Variants in ISX observed in about 807,000 individuals in gnomAD.
The protein encoded by ISX is intestine-specific homeobox.
A neutral mutation model predicts 16.9 loss-of-function variants in ISX; 15 were observed. The ratio of observed to expected loss-of-function variants is 0.89; its 90% CI spans 0.59 to 1.36. The LOEUF (loss-of-function observed/expected upper bound fraction) is 1.36, where lower values mean the gene tolerates loss of function less well. ISX is among the 40% of genes most tolerant of loss of function. The pLI, the probability that ISX is intolerant of heterozygous loss-of-function variation, is 0.00. For missense variants in ISX, 316 were observed against 306.1 expected (o/e 1.03, Z -0.24); for synonymous variants, 125 against 119.7 (o/e 1.04, Z -0.29).
intron 2 of ISX, among the ~76,000 whole-genome samples, chr22:35,080,637 A>C (rs5755569): frequency 0.61 from 92,736 of 151,766 alleles, 28,860 homozygotes; most frequent in Admixed American, 0.67. Flanking sequence ...CATCCTACTA[A>C]TCACATCCAC....
chr22:35,077,839 A>G (rs1239498881), intron 2 of ISX, among the ~76,000 whole-genome samples: 1 of 152,170 alleles, frequency 6.6e-6, no homozygotes, highest in Non-Finnish European at 1.5e-5. Context: ...ACTCTTGGGA[A>G]CAGGAAAAAG....
chr22:35,073,066 T>C (rs777788596), intron 2 of ISX, among the ~76,000 whole-genome samples: 10 of 152,206 alleles, frequency 6.6e-5, no homozygotes, highest in Non-Finnish European at 1.0e-4. Context: ...AAATGACAGA[T>C]AGCCTTTCTC....
At chr22:35,081,584 G>T (rs5755570) in intron 2 of ISX, among the ~76,000 whole-genome samples, 1 of 152,122 alleles carries the variant, frequency 6.6e-6, no homozygotes, top group Non-Finnish European at 1.5e-5. Context: ...CTGCTACCCA[G>T]CAACTACTGC....
intron 2 of ISX, among the ~76,000 whole-genome samples, chr22:35,068,169 A>G (rs1340325570): frequency 6.6e-6 from 1 of 152,212 alleles, no homozygotes; most frequent in Non-Finnish European, 1.5e-5. Context: ...GCGATGTCTC[A>G]AGGGCCTTGT....
At position 35,082,533 on chromosome 22, in the gene ISX, A is replaced by C. The variant is rs1425078462; in HGVS notation, c.245A>C (p.Lys82Thr). The C allele has an allele frequency of 5.6e-6, 9 of 1,613,968 alleles. No homozygotes were observed. Among genetic ancestry groups the C allele is most frequent in the Non-Finnish European group, 6.8e-6 (8 of 1,179,962 alleles). ...KDQPQEGRKS[K>T]RRVRTTFTTE... Reference sequence around the variant, plus strand: ...TCCCATGCAGAAGGAAGGAAGAGCAAGCGGAGGGTTCGTACCACCTTCACC... The same window carrying C: ...TCCCATGCAGAAGGAAGGAAGAGCACGCGGAGGGTTCGTACCACCTTCACC... Residue 82 changes from lysine (K) to threonine (T), a missense_variant, in exon 3 of 5, where the codon AAG (lysine) becomes ACG (threonine). By Grantham distance (78) the Lys-to-Thr change is moderately conservative. Transcript: ENST00000404699.
intron 2 of ISX, among the ~76,000 whole-genome samples, chr22:35,068,199 C>G (rs1253297695): frequency 6.6e-6 from 1 of 152,222 alleles, no homozygotes; most frequent in Non-Finnish European, 1.5e-5. Context: ...TGTCACTGAG[C>G]CTGGAATATC....
intron 4 of ISX, 131 bp from the exon 5 acceptor site, chr22:35,085,323 G>A (rs1929224632): frequency 1.2e-5 from 13 of 1,109,646 alleles, no homozygotes; most frequent in Non-Finnish European, 1.5e-5. Flanking sequence ...AAACCCAGAA[G>A]GTCCTGAGCA....
intron 2 of ISX, among the ~76,000 whole-genome samples, chr22:35,079,946 A>G (rs1273528585): frequency 6.6e-6 from 1 of 152,214 alleles, no homozygotes; most frequent in Non-Finnish European, 1.5e-5. Flanking sequence ...ACCAGGAGCT[A>G]CAGGCAATGC....
rs897203963 is a variant in ISX, at chr22:35,069,069, C to T, written c.229+1753C>T. On this transcript the variant is annotated intron_variant, in intron 2 of 4. Coordinates refer to ENST00000404699, the MANE Select transcript of ISX (RefSeq NM_001303508.2). ...TCCCACTGGCGGCTCTCAAGATGAC[C>T]TTGGTGGGTATGTAGATAAAGATGA... Among the ~76,000 whole-genome samples, 6 of 152,236 alleles carry T rather than the reference C, an allele frequency of 3.9e-5. 1 individual carries two copies. In the South Asian group the frequency reaches 6.2e-4, roughly 16 times the overall value.
rs1443263060 is a variant in ISX at position 35,087,358 on chromosome 22, C to T, written c.*1665C>T. On this transcript the variant is annotated 3_prime_UTR_variant, in exon 5 of 5. Coordinates refer to ENST00000404699, the MANE Select transcript of ISX (RefSeq NM_001303508.2). ...TTTTAGGACCCTACACTCAAATGTG[C>T]AAAATAAAATTTCTATCATTTTGCT... 1.3e-5 allele frequency: 2 copies of T among 152,200 alleles called. No individual in the cohort carries two copies. Among genetic ancestry groups the T allele is most frequent in the Admixed American group, 6.5e-5 (1 of 15,284 alleles). 9.4% of individuals were successfully genotyped at this position (152,200 alleles called of 1,614,324 possible).
At chr22:35,067,579 GC>G (rs1928736805) in intron 2 of ISX, among the ~76,000 whole-genome samples, 1 of 152,204 alleles carries the variant, frequency 6.6e-6, no homozygotes, top group African/African-American at 2.4e-5. Flanking sequence ...GGCTAAGAAT[GC>G]TAGTTACCAT....
intron 2 of ISX, among the ~76,000 whole-genome samples, chr22:35,075,694 A>T (rs1928962845): frequency 1.3e-5 from 2 of 152,190 alleles, no homozygotes; most frequent in South Asian, 4.1e-4. Context: ...GCTAAAATTC[A>T]TACATACAAA....
At chr22:35,083,559 A>C (rs1929173419) in intron 3 of ISX, among the ~76,000 whole-genome samples, 1 of 152,220 alleles carries the variant, frequency 6.6e-6, no homozygotes, top group African/African-American at 2.4e-5. Flanking sequence ...ACGACGTTCC[A>C]CCAGATCTCA....
At chr22:35,069,927 A>T (rs1006661679) in intron 2 of ISX, among the ~76,000 whole-genome samples, 1 of 152,200 alleles carries the variant, frequency 6.6e-6, no homozygotes, top group Admixed American at 6.5e-5. Context: ...GCAGCCTGTC[A>T]GGCCCAGCAA....
intron 2 of ISX, among the ~76,000 whole-genome samples, 154 bp from the exon 3 acceptor site, chr22:35,082,364 G>C (rs1160846761): frequency 6.6e-6 from 1 of 152,206 alleles, no homozygotes; most frequent in Admixed American, 6.5e-5. Context: ...AGGATTTTAG[G>C]AAAGAGAATA....
At chr22:35,077,512 G>C (rs1929014960) in intron 2 of ISX, among the ~76,000 whole-genome samples, 1 of 151,966 alleles carries the variant, frequency 6.6e-6, no homozygotes, top group Non-Finnish European at 1.5e-5. Context: ...TTGGCCTTCT[G>C]ATTGGGTCTT....
chr22:35,070,970 T>G (rs1334391653), intron 2 of ISX, among the ~76,000 whole-genome samples: 1 of 152,252 alleles, frequency 6.6e-6, no homozygotes, highest in Non-Finnish European at 1.5e-5. Context: ...GGTAGGCTTA[T>G]GTTCCAATAA....
intron 2 of ISX, among the ~76,000 whole-genome samples, chr22:35,079,086 G>A (rs1929060411): frequency 6.6e-6 from 1 of 152,202 alleles, no homozygotes; most frequent in Non-Finnish European, 1.5e-5. Flanking sequence ...AATGACAGCA[G>A]GATCGATCAT....
At chr22:35,070,800 C>A (rs1928831214) in intron 2 of ISX, among the ~76,000 whole-genome samples, 1 of 152,220 alleles carries the variant, frequency 6.6e-6, no homozygotes, top group African/African-American at 2.4e-5. Context: ...TGGTAGAATT[C>A]TTGGCATTTG....
Sources: gnomAD v4.1 joint callset for allele counts (sites outside exome capture counted in the v4.1 genomes callset) on GRCh38, gnomAD v4.1.1 for gene constraint, MANE v1.5 for transcripts, NCBI Gene and HGNC (gene_info 2026-07-23, HGNC 2026-07-21) for gene names.